DEFB112: variants seen among roughly 807,000 people sequenced by gnomAD.
The protein encoded by DEFB112 is defensin beta 112.
In DEFB112, 2 loss-of-function variants were observed where a neutral mutation model predicts 1.1. The ratio of observed to expected loss-of-function variants is 1.85; its 90% CI spans 0.76 to 5.83. The LOEUF (loss-of-function observed/expected upper bound fraction) is 5.83. Among genes scored for constraint, DEFB112 ranks in the 30% most tolerant of loss-of-function variants. The pLI, the probability that DEFB112 is intolerant of heterozygous loss-of-function variation, is 0.05. For missense variants in DEFB112, 120 were observed against 94.4 expected (o/e 1.27, Z -1.12); for synonymous variants, 40 against 31.2 (o/e 1.28, Z -0.93).
chr6:50,046,221 C>CTGTGTG (rs3057286), intron 1 of DEFB112, among the ~76,000 whole-genome samples: 36,616 of 140,980 alleles, frequency 0.26, 4,869 homozygotes, highest in Admixed American at 0.36. Flanking sequence ...TTGAGGAGCA[C>CTGTGTG]TGTGTGTGTG....
intron 1 of DEFB112, among the ~76,000 whole-genome samples, chr6:50,044,721 G>A (rs982487365): frequency 6.6e-6 from 1 of 151,934 alleles, no homozygotes; most frequent in Non-Finnish European, 1.5e-5. Flanking sequence ...AATTCTGGAG[G>A]AGACTGTCTT....
chr6:50,046,586 A>C (rs921589163), intron 1 of DEFB112, among the ~76,000 whole-genome samples: 1 of 152,076 alleles, frequency 6.6e-6, no homozygotes, highest in Admixed American at 6.5e-5. Context: ...GAGGATGAGC[A>C]CTTTAAAGAG....
Position 50,043,716 on chromosome 6 carries a change from A to G in DEFB112, c.144T>C (p.Asp48=). The part of the protein sequence containing the change: ...IGGRCKNQCD[D]SEFRISYCAR... ...CACAGTATGAAATCCTAAATTCACTATCATCACATTGATTTTTACATCGAC... is the reference window on the plus strand; with the variant it reads ...CACAGTATGAAATCCTAAATTCACTGTCATCACATTGATTTTTACATCGAC... Residue 48 remains aspartate, a synonymous_variant, in exon 2 of 2, where the codon GAT becomes GAC. Transcript: ENST00000651554. The G allele has an allele frequency of 1.2e-6, 2 of 1,613,522 alleles. No individual in the cohort carries two copies. Among genetic ancestry groups the G allele is most frequent in the Non-Finnish European group, 1.7e-6 (2 of 1,179,588 alleles).
rs770792254 is a variant in DEFB112, at chr6:50,043,553, ATCT to A, written c.*19_*21del. On this transcript the variant is annotated 3_prime_UTR_variant, in exon 2 of 2. Coordinates refer to ENST00000651554, the MANE Select transcript of DEFB112 (RefSeq NM_001369057.2). ...TGAGAGGACTTCATTCAGATGTATCATCTTCTTGTGCATGGATTTCTTCAATGA... is the reference window on the plus strand; with the variant it reads ...TGAGAGGACTTCATTCAGATGTATCATCTTGTGCATGGATTTCTTCAATGA... 6.3e-7 allele frequency: 1 copy of A among 1,590,020 alleles called. No homozygotes were observed. The highest frequency in any genetic ancestry group is 1.7e-5 in the Admixed American group (1 of 59,526).
chr6:50,049,585 A>G (rs76347306), intron 1 of DEFB112, among the ~76,000 whole-genome samples: 322 of 152,260 alleles, frequency 2.1e-3, no homozygotes, highest in African/African-American at 7.2e-3. Context: ...ATATGCATAT[A>G]TATGAATGTA....
At position 50,046,265 on chromosome 6, in the gene DEFB112, TAGAG is replaced by T. The variant is rs1385946036; in HGVS notation, c.59-2468_59-2465del. 1.6e-4 allele frequency among the ~76,000 whole-genome samples: 17 copies of T among 105,020 alleles called. No individual in the cohort carries two copies. The South Asian group carries it at 3.1e-3, about 19-fold the overall frequency. 68.9% of individuals were successfully genotyped at this position (105,020 alleles called of 152,430 possible). On this transcript the variant is annotated intron_variant, in intron 1 of 1. Coordinates refer to ENST00000651554, the MANE Select transcript of DEFB112 (RefSeq NM_001369057.2). ...TGTGTGTGTGTGTGTGTGTGTATCTTAGAGAGAATCATACAGTTTGTTTGTTTCT... is the reference window on the plus strand; with the variant it reads ...TGTGTGTGTGTGTGTGTGTGTATCTTAGAATCATACAGTTTGTTTGTTTCT...
At position 50,043,773 on chromosome 6, in the gene DEFB112, A is replaced by G. The variant is rs779658145; in HGVS notation, c.87T>C (p.Phe29=). Residue 29 remains phenylalanine, a synonymous_variant, in exon 2 of 2, where the codon TTT becomes TTC. Coordinates refer to ENST00000651554, the MANE Select transcript of DEFB112 (RefSeq NM_001369057.2). ...TCGCTGTACATGACTTCCACCTACT[A>G]AAGGTGATATGGTGCCCTTCACTTC... is the stretch of plus-strand genomic sequence containing the variant. ...PARSEGHHIT[F]SRWKSCTAIG... 9.9e-6 allele frequency: 16 copies of G among 1,613,312 alleles called. No homozygotes were observed. The South Asian group carries it at 1.2e-4, about 12-fold the overall frequency.
rs1774786872 is a variant in DEFB112, at chr6:50,043,742, C to A, written c.118G>T (p.Gly40Cys). 6.2e-7 allele frequency: 1 copy of A among 1,613,336 alleles called. No homozygotes were observed. Among genetic ancestry groups the A allele is most frequent in the South Asian group, 1.1e-5 (1 of 91,068 alleles). Reference protein sequence around the residue: ...SRWKSCTAIGGRCKNQCDDSE... With the variant: ...SRWKSCTAIGCRCKNQCDDSE... ...TCATCACATTGATTTTTACATCGACCTCCAATCGCTGTACATGACTTCCAC... is the reference window on the plus strand; with the variant it reads ...TCATCACATTGATTTTTACATCGACATCCAATCGCTGTACATGACTTCCAC... Residue 40 changes from glycine to cysteine, a missense_variant, in exon 2 of 2, where the codon GGT (glycine) becomes TGT (cysteine). By Grantham distance (159) the Gly-to-Cys change is radical (BLOSUM62 -3). Coordinates refer to ENST00000651554, the MANE Select transcript of DEFB112 (RefSeq NM_001369057.2).
At position 50,043,750 on chromosome 6, in the gene DEFB112, G is replaced by T. The variant is rs377507979; in HGVS notation, c.110C>A (p.Ala37Glu). The change falls in exon 2 of 2, where the codon GCG becomes GAG. Residue 37 changes from alanine to glutamate, a missense_variant. Transcript: ENST00000651554. Reference sequence around the variant, plus strand: ...TTGATTTTTACATCGACCTCCAATCGCTGTACATGACTTCCACCTACTAAA... The same window carrying T: ...TTGATTTTTACATCGACCTCCAATCTCTGTACATGACTTCCACCTACTAAA... ...ITFSRWKSCTAIGGRCKNQCD... is the reference protein window; with the variant it reads ...ITFSRWKSCTEIGGRCKNQCD... 69 of 1,613,226 alleles carry T rather than the reference G, an allele frequency of 4.3e-5. No homozygotes were observed. In the Middle Eastern group the frequency reaches 8.2e-4, roughly 19 times the overall value.
rs1249946552 is a variant in DEFB112, at chr6:50,043,553, A to G, written c.*22T>C. 1 of 1,590,020 alleles carries G rather than the reference A, an allele frequency of 6.3e-7. No individual in the cohort carries two copies. Among genetic ancestry groups the G allele is most frequent in the Admixed American group, 1.7e-5 (1 of 59,526 alleles). On this transcript the variant is annotated 3_prime_UTR_variant, in exon 2 of 2. Transcript: ENST00000651554. ...TGAGAGGACTTCATTCAGATGTATC[A>G]TCTTCTTGTGCATGGATTTCTTCAA...
chr6:50,043,645 T>A lies in DEFB112; in HGVS notation c.215A>T (p.Asp72Val), dbSNP rs778907449. 1 of 1,613,568 alleles carries A rather than the reference T, an allele frequency of 6.2e-7. No homozygotes were observed. The highest frequency in any genetic ancestry group is 1.1e-5 in the South Asian group (1 of 91,066). The change falls in exon 2 of 2, where the codon GAC becomes GTC. Residue 72 changes from aspartate (D) to valine (V), a missense_variant. Asp to Val is a radical substitution (Grantham distance 152). Coordinates refer to ENST00000651554, the MANE Select transcript of DEFB112 (RefSeq NM_001369057.2). ...HCCVTECDPT[D>V]PNNWIPKDSV... ...GTCCTTTGGGATCCAATTATTTGGG[T>A]CCGTAGGGTCACATTCTGTCACGCA...
At position 50,043,788 on chromosome 6, in the gene DEFB112, CCCTTCACTTCT is replaced by C. The variant is rs776321600; in HGVS notation, c.61_71del (p.Arg21AlafsTer6). 17 of 1,613,232 alleles carry C rather than the reference CCCTTCACTTCT, an allele frequency of 1.1e-5. No homozygotes were observed. In the African/African-American group the frequency reaches 1.9e-4, roughly 18 times the overall value. ...TCCACCTACTAAAGGTGATATGGTG[CCCTTCACTTCT>C]GGCTGAAAGAAGGCAAGAACAGCTG... On this transcript the variant is annotated frameshift_variant and splice_region_variant, in exon 2 of 2. Transcript: ENST00000651554. LOFTEE classifies it low-confidence loss of function (END_TRUNC).
rs1215930353 is a variant in DEFB112 at position 50,043,540 on chromosome 6, A to T, written c.*35T>A. Reference sequence around the variant, plus strand: ...AGTGATGAAATAATGAGAGGACTTCATTCAGATGTATCATCTTCTTGTGCA... The same window carrying T: ...AGTGATGAAATAATGAGAGGACTTCTTTCAGATGTATCATCTTCTTGTGCA... On this transcript the variant is annotated 3_prime_UTR_variant, in exon 2 of 2. Transcript: ENST00000651554. The T allele has an allele frequency of 1.9e-6, 3 of 1,544,598 alleles. No individual in the cohort carries two copies. Among genetic ancestry groups the T allele is most frequent in the Non-Finnish European group, 2.7e-6 (3 of 1,120,726 alleles).
At chr6:50,046,221 CTGTGTGTGTGTG>C (rs3057286) in intron 1 of DEFB112, among the ~76,000 whole-genome samples, 28 of 141,276 alleles carry the variant, frequency 2.0e-4, no homozygotes, top group Admixed American at 6.4e-4. Flanking sequence ...TTGAGGAGCA[CTGTGTGTGTGTG>C]TGTGTGTGTG....
rs982940930 is a variant in DEFB112 at position 50,042,504 on chromosome 6, T to C, written c.*1071A>G. On this transcript the variant is annotated 3_prime_UTR_variant, in exon 2 of 2. Coordinates refer to ENST00000651554, the MANE Select transcript of DEFB112 (RefSeq NM_001369057.2). ...TAGCTCCCTTTTCTTCATGTGGCCT[T>C]AGTCCACAGGTTGTAAGTCACATAA... is the stretch of plus-strand genomic sequence containing the variant. 3.9e-5 allele frequency among the ~76,000 whole-genome samples: 6 copies of C among 152,050 alleles called. No homozygotes were observed. The highest frequency in any genetic ancestry group is 7.4e-5 in the Non-Finnish European group (5 of 67,946).
rs1181681203 is a variant in DEFB112, at chr6:50,043,741, C to T, written c.119G>A (p.Gly40Asp). ...SRWKSCTAIG[G>D]RCKNQCDDSE... ...ATCATCACATTGATTTTTACATCGA[C>T]CTCCAATCGCTGTACATGACTTCCA... Residue 40 changes from glycine (G) to aspartate (D), a missense_variant, in exon 2 of 2, where the codon GGT becomes GAT. Transcript: ENST00000651554. 3 of 1,613,336 alleles carry T rather than the reference C, an allele frequency of 1.9e-6. No homozygotes were observed. The highest frequency in any genetic ancestry group is 4.5e-5 in the East Asian group (2 of 44,846).
chr6:50,049,014 TAG>T (rs1441788128), intron 1 of DEFB112, among the ~76,000 whole-genome samples: 8 of 152,196 alleles, frequency 5.3e-5, no homozygotes, highest in African/African-American at 1.9e-4. Flanking sequence ...GTTCTAAATA[TAG>T]AGAGAATTCT....
intron 1 of DEFB112, among the ~76,000 whole-genome samples, chr6:50,047,285 C>T (rs1774850356): frequency 6.6e-6 from 1 of 152,160 alleles, no homozygotes; most frequent in Non-Finnish European, 1.5e-5. Context: ...AGGTACTGGT[C>T]TGAAGTCTGA....
At chr6:50,046,221 CTGTGTGTGTG>C (rs3057286) in intron 1 of DEFB112, among the ~76,000 whole-genome samples, 20 of 141,276 alleles carry the variant, frequency 1.4e-4, no homozygotes, top group African/African-American at 2.1e-4. Context: ...TTGAGGAGCA[CTGTGTGTGTG>C]TGTGTGTGTG....
Sources: gnomAD v4.1 joint callset for allele counts (sites outside exome capture counted in the v4.1 genomes callset) on GRCh38, gnomAD v4.1.1 for gene constraint, MANE v1.5 for transcripts, NCBI Gene and HGNC (gene_info 2026-07-23, HGNC 2026-07-21) for gene names.